RAB3C: variants seen among roughly 807,000 people sequenced by gnomAD.
RAB3C encodes the protein ras-related protein Rab-3C.
Under a neutral mutation model 26.4 loss-of-function variants are expected in RAB3C, and 17 were observed. The ratio of observed to expected loss-of-function variants is 0.64; its 90% CI spans 0.44 to 0.97. The LOEUF is 0.97. Among genes scored for constraint, RAB3C ranks in the 50% least tolerant of loss-of-function variants. The probability of loss-of-function intolerance (pLI) is 0.00; values close to 1 mark genes in which losing one functional copy is unlikely to be tolerated. For missense variants in RAB3C, 242 were observed against 281.9 expected (o/e 0.86, Z 1.01); for synonymous variants, 91 against 95.9 (o/e 0.95, Z 0.30).
chr5:58,682,227 A>G (rs1748358421), intron 2 of RAB3C, among the ~76,000 whole-genome samples: 1 of 152,200 alleles, frequency 6.6e-6, no homozygotes, highest in South Asian at 2.1e-4. Flanking sequence ...ATATGAGTCA[A>G]CTAACTTAGA....
At position 58,599,577 on chromosome 5, in the gene RAB3C, C is replaced by T. The variant is rs78936733; in HGVS notation, c.24+16345C>T. ...GTGGGCTATCTCCACTCTGGGAAAC[C>T]GCTGGAACCAAACTGGAAGTAAACT... On this transcript the variant is annotated intron_variant, in intron 1 of 4. Coordinates refer to ENST00000282878, the MANE Select transcript of RAB3C (RefSeq NM_138453.4). Among the ~76,000 whole-genome samples the T allele has an allele frequency of 5.7e-3, 865 of 152,222 alleles. 3 individuals carry two copies. The highest frequency in any genetic ancestry group is 9.5e-3 in the Non-Finnish European group (648 of 68,000).
intron 2 of RAB3C, among the ~76,000 whole-genome samples, chr5:58,673,367 C>T (rs994193830): frequency 1.3e-5 from 2 of 151,910 alleles, no homozygotes; most frequent in African/African-American, 4.8e-5. Context: ...AAGTTTCTTC[C>T]CCATCAAGCC....
At chr5:58,739,623 G>T (rs892231952) in intron 3 of RAB3C, among the ~76,000 whole-genome samples, 1 of 152,168 alleles carries the variant, frequency 6.6e-6, no homozygotes, top group African/African-American at 2.4e-5. Flanking sequence ...GGTATATGAT[G>T]TCTGATTCTG....
At chr5:58,719,781 A>T (rs1237424549) in intron 2 of RAB3C, among the ~76,000 whole-genome samples, 1 of 151,902 alleles carries the variant, frequency 6.6e-6, no homozygotes, top group Non-Finnish European at 1.5e-5. Context: ...GTATATAAAG[A>T]TTAGGGCCCA....
At chr5:58,807,908 A>G (rs1282006480) in intron 3 of RAB3C, among the ~76,000 whole-genome samples, 2 of 152,188 alleles carry the variant, frequency 1.3e-5, no homozygotes, top group African/African-American at 4.8e-5. Context: ...TCAAAATTCT[A>G]AAACTCTAGT....
intron 3 of RAB3C, chr5:58,823,120 T>C (rs1743381116): frequency 2.2e-6 from 1 of 447,402 alleles, no homozygotes; most frequent in African/African-American, 2.0e-5. Flanking sequence ...GTCAGAATGA[T>C]GCAGATTACA....
chr5:58,594,156 T>G (rs879889136), intron 1 of RAB3C, among the ~76,000 whole-genome samples: 3 of 152,188 alleles, frequency 2.0e-5, no homozygotes, highest in Non-Finnish European at 2.9e-5. Context: ...GCTTGGATGA[T>G]AGAGAAACTT....
At chr5:58,608,184 A>T (rs1746613072) in intron 1 of RAB3C, among the ~76,000 whole-genome samples, 1 of 152,178 alleles carries the variant, frequency 6.6e-6, no homozygotes, top group South Asian at 2.1e-4. Flanking sequence ...TATTCAGGAG[A>T]CCCATCTTAT....
chr5:58,715,100 A>T (rs1395470925), intron 2 of RAB3C, among the ~76,000 whole-genome samples: 3 of 152,040 alleles, frequency 2.0e-5, no homozygotes, highest in African/African-American at 7.2e-5. Flanking sequence ...CACTTTTCTA[A>T]CAAGTACCAG....
rs1442946213 is a variant in RAB3C at position 58,779,380 on chromosome 5, A to ACG, written c.372-45658_372-45657insCG. Among the ~76,000 whole-genome samples the ACG allele has an allele frequency of 6.8e-5, 10 of 146,260 alleles. No individual in the cohort carries two copies. In the East Asian group the frequency reaches 1.6e-3, roughly 23 times the overall value. ...ATGATTTATATATATATATGATTTTATGTATATATATATGATTTTTTTCAG... is the reference window on the plus strand; with the variant it reads ...ATGATTTATATATATATATGATTTTACGTGTATATATATATGATTTTTTTCAG... On this transcript the variant is annotated intron_variant, in intron 3 of 4. Transcript: ENST00000282878.
chr5:58,644,213 T>G (rs370546714), intron 2 of RAB3C, among the ~76,000 whole-genome samples: 16,394 of 152,216 alleles, frequency 0.11, 969 homozygotes, highest in Middle Eastern at 0.21. Context: ...TTAATTATTT[T>G]GTGAGAAATT....
intron 3 of RAB3C, among the ~76,000 whole-genome samples, chr5:58,786,691 G>A (rs1298944756): frequency 1.3e-5 from 2 of 151,868 alleles, no homozygotes; most frequent in Non-Finnish European, 2.9e-5. Context: ...CTGAGACACT[G>A]AGCCCAGCTG....
chr5:58,844,548 C>T (rs970959157), intron 4 of RAB3C, among the ~76,000 whole-genome samples: 1 of 152,212 alleles, frequency 6.6e-6, no homozygotes, highest in Non-Finnish European at 1.5e-5. Flanking sequence ...GTTTGTCCTG[C>T]TGCTCAGCAA....
chr5:58,619,464 TTCC>T (rs1746889586), intron 2 of RAB3C, among the ~76,000 whole-genome samples: 1 of 152,162 alleles, frequency 6.6e-6, no homozygotes, highest in African/African-American at 2.4e-5. Context: ...TTAAGGAAGG[TTCC>T]TTAATTCTCA....
chr5:58,837,551 G>GTC (rs1193334207), intron 4 of RAB3C, among the ~76,000 whole-genome samples: 5 of 109,704 alleles, frequency 4.6e-5, no homozygotes, highest in Non-Finnish European at 7.9e-5. Flanking sequence ...TCTTGTTTCA[G>GTC]TCTCTCTTTT....
intron 2 of RAB3C, among the ~76,000 whole-genome samples, chr5:58,673,039 G>A (rs371819170): frequency 5.7e-4 from 86 of 152,156 alleles, no homozygotes; most frequent in African/African-American, 1.9e-3. Context: ...GATTCTTGGA[G>A]TTGGGTTTTG....
intron 4 of RAB3C, among the ~76,000 whole-genome samples, chr5:58,849,983 G>C (rs1744080291): frequency 6.6e-6 from 1 of 152,170 alleles, no homozygotes; most frequent in Non-Finnish European, 1.5e-5. Flanking sequence ...GATGTAACCA[G>C]AAGGATTTAT....
At chr5:58,715,615 T>A (rs1345388278) in intron 2 of RAB3C, among the ~76,000 whole-genome samples, 1 of 152,152 alleles carries the variant, frequency 6.6e-6, no homozygotes, top group African/African-American at 2.4e-5. Flanking sequence ...TCGAGATATC[T>A]GTGTGTCCCA....
chr5:58,735,648 G>C (rs1445199434), intron 3 of RAB3C, among the ~76,000 whole-genome samples: 2 of 152,170 alleles, frequency 1.3e-5, no homozygotes, highest in Non-Finnish European at 2.9e-5. Flanking sequence ...GCTTCTGGTA[G>C]CCTCAAGCAG....
Sources: gnomAD v4.1 joint callset for allele counts (sites outside exome capture counted in the v4.1 genomes callset) on GRCh38, gnomAD v4.1.1 for gene constraint, MANE v1.5 for transcripts, NCBI Gene and HGNC (gene_info 2026-07-23, HGNC 2026-07-21) for gene names.